Variants in RFC1 observed in about 807,000 individuals in gnomAD.
RFC1 encodes replication factor C subunit 1.
Under a neutral mutation model 137.4 loss-of-function variants are expected in RFC1, and 37 were observed. The observed-to-expected ratio is 0.27, with a 90% CI of 0.21 to 0.35. The LOEUF (loss-of-function observed/expected upper bound fraction) is 0.35. RFC1 is among the 10% of genes least tolerant of loss of function. The pLI is 1.00. For missense variants in RFC1, 1,205 were observed against 1,358.5 expected (o/e 0.89, Z 1.78); for synonymous variants, 429 against 455.7 (o/e 0.94, Z 0.75).
chr4:39,293,647 C>T (rs1737813002), intron 22 of RFC1, among the ~76,000 whole-genome samples: 2 of 151,906 alleles, frequency 1.3e-5, no homozygotes, highest in Non-Finnish European at 2.9e-5. Flanking sequence ...CTAAATATGA[C>T]CCAACTACTA....
chr4:39,332,308 T>C (rs1297221806), intron 4 of RFC1, among the ~76,000 whole-genome samples: 3 of 152,206 alleles, frequency 2.0e-5, no homozygotes, highest in Non-Finnish European at 4.4e-5. Flanking sequence ...CTACCTCCTC[T>C]CCACTCTTCT....
In RFC1 at chr4:39,305,440, C is replaced by G. The variant is rs541287881; in HGVS notation, c.1996-512G>C. ...TGGCCAACATGGTGAAACCCCATCTCGACTAAAAATACAAAAAATTAGCTG... is the reference window on the plus strand; with the variant it reads ...TGGCCAACATGGTGAAACCCCATCTGGACTAAAAATACAAAAAATTAGCTG... On this transcript the variant is annotated intron_variant, in intron 14 of 24. Coordinates refer to ENST00000349703, the MANE Select transcript of RFC1 (RefSeq NM_002913.5). 1.2e-4 allele frequency among the ~76,000 whole-genome samples: 19 copies of G among 152,096 alleles called. No homozygotes were observed. The East Asian group carries it at 2.1e-3, about 17-fold the overall frequency.
In RFC1 at chr4:39,289,987, T is replaced by G. The variant is rs142067677; in HGVS notation, c.3221A>C (p.Tyr1074Ser). ...AYNKEAHLTPYSLQAIKASRH... is the reference protein window; with the variant it reads ...AYNKEAHLTPSSLQAIKASRH... ...AGATGCCTTTATAGCTTGAAGTGAG[T>G]ATGGAGTAAGGTGGGCTTCCTTATT... Residue 1074 changes from tyrosine (Y) to serine (S), a missense_variant, in exon 24 of 25, where the codon TAC (tyrosine) becomes TCC (serine). Physicochemically the swap from Tyr to Ser is moderately radical, Grantham distance 144. This residue lies in a region of RFC1 where 237 missense variants were observed against 304.2 expected (regional missense o/e 0.78). Transcript: ENST00000349703. 1.2e-6 allele frequency: 2 copies of G among 1,613,438 alleles called. No individual in the cohort carries two copies. The highest frequency in any genetic ancestry group is 2.7e-5 in the African/African-American group (2 of 74,828).
At chr4:39,334,267 G>A (rs1740247994) in intron 4 of RFC1, among the ~76,000 whole-genome samples, 1 of 152,130 alleles carries the variant, frequency 6.6e-6, no homozygotes, top group Admixed American at 6.6e-5. Flanking sequence ...AGGCATATCT[G>A]AAAACACTGT....
rs1229318967 is a variant in RFC1 at position 39,295,671 on chromosome 4, G to A, written c.2897C>T (p.Ser966Leu). 1.2e-6 allele frequency: 2 copies of A among 1,613,612 alleles called. No individual in the cohort carries two copies. The highest frequency in any genetic ancestry group is 1.1e-5 in the South Asian group (1 of 90,984). The change falls in exon 22 of 25, where the codon TCG becomes TTG. Residue 966 changes from serine to leucine, a missense_variant. Ser to Leu is a moderately radical substitution (Grantham distance 145). Coordinates refer to ENST00000349703, the MANE Select transcript of RFC1 (RefSeq NM_002913.5). ...AATACGATCATGTTTGCCTGTAGACGAGTGCTTCCCCAGCCAGCTTGGGAA... is the reference window on the plus strand; with the variant it reads ...AATACGATCATGTTTGCCTGTAGACAAGTGCTTCCCCAGCCAGCTTGGGAA... The part of the protein sequence containing the change: ...PTFPSWLGKH[S>L]STGKHDRIVQ...
At chr4:39,290,118 C>A (rs1737589207) in intron 23 of RFC1, 79 bp from the exon 24 acceptor site, 2 of 992,398 alleles carry the variant, frequency 2.0e-6, no homozygotes, top group South Asian at 1.6e-5. Flanking sequence ...CCTAAAGAGA[C>A]CCTGGGAGCC....
intron 10 of RFC1, among the ~76,000 whole-genome samples, chr4:39,315,312 T>A (rs985040268): frequency 6.6e-6 from 1 of 152,254 alleles, no homozygotes; most frequent in African/African-American, 2.4e-5. Flanking sequence ...TCCCTTTGCT[T>A]CTGTGATCCC....
In RFC1 at chr4:39,294,236, T is replaced by C. The variant is rs181060461; in HGVS notation, c.2954+1378A>G. 3.3e-5 allele frequency among the ~76,000 whole-genome samples: 5 copies of C among 152,140 alleles called. No homozygotes were observed. In the East Asian group the frequency reaches 7.7e-4, roughly 24 times the overall value. On this transcript the variant is annotated intron_variant, in intron 22 of 24. Transcript: ENST00000349703. ...TTAGAAAGAGAACAAGATAATAAAA[T>C]AGAATTTTACAGGAACAGAAAAAAG...
In RFC1 at chr4:39,308,917, C is replaced by T. The variant is rs757166322; in HGVS notation, c.1604G>A (p.Arg535Lys). Residue 535 changes from arginine to lysine, a missense_variant, in exon 13 of 25, where the codon AGG (arginine) becomes AAG (lysine). By Grantham distance (26) the Arg-to-Lys change is conservative (BLOSUM62 2). Around this residue, in one of 3 missense-constraint regions of RFC1, gnomAD observed 962 missense variants for 1,035.3 expected, o/e 0.93. Transcript: ENST00000349703. ...TTTTATTGTCTTTGCCAAACTGTCC[C>T]TTTTGGAAGTCGGCCTGCTCTTTTT... ...ESKKSRPTSK[R>K]DSLAKTIKKE... 3 of 1,614,016 alleles carry T rather than the reference C, an allele frequency of 1.9e-6. No individual in the cohort carries two copies. The African/African-American group carries it at 4.0e-5, about 22-fold the overall frequency.
At chr4:39,323,974 CAGG>C (rs1739643999) in intron 6 of RFC1, among the ~76,000 whole-genome samples, 1 of 152,148 alleles carries the variant, frequency 6.6e-6, no homozygotes, top group African/African-American at 2.4e-5. Context: ...GTCATCATGT[CAGG>C]AGTTCTACTA....
chr4:39,355,971 C>A (rs1457639496), intron 1 of RFC1: 1 of 142,052 alleles, frequency 7.0e-6, no homozygotes, highest in Non-Finnish European at 1.5e-5. Context: ...CACTGCACTC[C>A]AGCCTGGTGA....
intron 4 of RFC1, among the ~76,000 whole-genome samples, chr4:39,328,683 A>T (rs2109690737): frequency 6.6e-6 from 1 of 152,310 alleles, no homozygotes; most frequent in Admixed American, 6.5e-5. Context: ...CAAATCCTGG[A>T]GGACTTTCTA....
At chr4:39,365,750 G>A (rs138864276) in intron 1 of RFC1, among the ~76,000 whole-genome samples, 81 of 152,180 alleles carry the variant, frequency 5.3e-4, no homozygotes, top group Middle Eastern at 3.4e-3. Flanking sequence ...AATGACGAGC[G>A]GAGATGAGAC....
chr4:39,315,953 G>A lies in RFC1; in HGVS notation c.1203+962C>T, dbSNP rs17335090. ...TCCACTTTAAAATTCCTTCTCGGCC[G>A]GGCCCAGTGGCTCACGCCTGTAATC... is the stretch of plus-strand genomic sequence containing the variant. On this transcript the variant is annotated intron_variant, in intron 10 of 24. Coordinates refer to ENST00000349703, the MANE Select transcript of RFC1 (RefSeq NM_002913.5). Among the ~76,000 whole-genome samples the A allele has an allele frequency of 1.6e-3, 247 of 152,260 alleles. 1 individual carries two copies. Among genetic ancestry groups the A allele is most frequent in the Admixed American group, 0.011 (173 of 15,288 alleles).
intron 4 of RFC1, among the ~76,000 whole-genome samples, chr4:39,328,283 A>G (rs78919648): frequency 1.1e-3 from 163 of 152,332 alleles, no homozygotes; most frequent in African/African-American, 3.8e-3. Flanking sequence ...TTTACTGAGC[A>G]CTCATTATGT....
At chr4:39,348,462 A>AGAGAAGAGAAG in intron 2 of RFC1, among the ~76,000 whole-genome samples, 1 of 137,686 alleles carries the variant, frequency 7.3e-6, no homozygotes, top group Non-Finnish European at 1.6e-5. Flanking sequence ...AAGAAAAGAA[A>AGAGAAGAGAAG]AGAAAAGAAA....
In RFC1 at chr4:39,302,315, T is replaced by C. The variant is rs752053155; in HGVS notation, c.2498A>G (p.Lys833Arg). The C allele has an allele frequency of 5.6e-6, 9 of 1,613,118 alleles. No individual in the cohort carries two copies. In the African/African-American group the frequency reaches 8.0e-5, roughly 14 times the overall value. The change falls in exon 19 of 25, where the codon AAA becomes AGA. Residue 833 changes from lysine to arginine, a missense_variant. Physicochemically the swap from Lys to Arg is conservative, Grantham distance 26. Transcript: ENST00000349703. The stretch of plus-strand genomic sequence containing the variant: ...CTTTTTGGCTCTGTGAGAATCAGCT[T>C]TGGCCTGGTCATAGGTTAATGCTTT... ...RSKALTYDQAKADSHRAKKDI... is the reference protein window; with the variant it reads ...RSKALTYDQARADSHRAKKDI...
intron 1 of RFC1, among the ~76,000 whole-genome samples, chr4:39,365,009 T>C (rs1010956449): frequency 2.0e-5 from 3 of 151,968 alleles, no homozygotes; most frequent in African/African-American, 2.4e-5. Context: ...ATGATGATCA[T>C]TATAGGGAAG....
intron 15 of RFC1, among the ~76,000 whole-genome samples, chr4:39,304,554 ACC>A (rs1358687879): frequency 2.0e-5 from 3 of 152,106 alleles, no homozygotes; most frequent in African/African-American, 7.2e-5. Flanking sequence ...TACAGGATTC[ACC>A]TGTGAATCCT....
Sources: allele counts gnomAD v4.1 joint callset (sites outside exome capture counted in the v4.1 genomes callset), GRCh38; gene constraint gnomAD v4.1.1; regional missense constraint gnomAD v4.1.1; transcripts MANE v1.5; gene names NCBI Gene and HGNC (gene_info 2026-07-23, HGNC 2026-07-21).